Variants in GPC6 observed in about 807,000 individuals in gnomAD.
GPC6 encodes the protein glypican 6, also known as glypican-6.
A neutral mutation model predicts 55.2 loss-of-function variants in GPC6; 14 were observed. The observed-to-expected ratio is 0.25, with a 90% confidence interval of 0.17 to 0.40. The LOEUF (loss-of-function observed/expected upper bound fraction) is 0.40, where lower values mean the gene tolerates loss of function less well. Among genes scored for constraint, GPC6 ranks in the 10% least tolerant of loss-of-function variants. The pLI is 1.00. For synonymous variants in GPC6, 278 were observed against 259.6 expected (o/e 1.07, Z -0.68); for missense variants, 641 against 708.5 (o/e 0.90, Z 1.08).
At chr13:93,273,704 G>A (rs1019258887) in intron 1 of GPC6, among the ~76,000 whole-genome samples, 8 of 152,124 alleles carry the variant, frequency 5.3e-5, no homozygotes, top group Non-Finnish European at 1.5e-5. Flanking sequence ...AAGCTTTACT[G>A]TTTATCATAG....
intron 2 of GPC6, among the ~76,000 whole-genome samples, chr13:93,731,498 T>C (rs1402062756): frequency 6.6e-6 from 1 of 152,164 alleles, no homozygotes; most frequent in Non-Finnish European, 1.5e-5. Flanking sequence ...AAACCCACCA[T>C]TGTGTTAGCT....
intron 2 of GPC6, among the ~76,000 whole-genome samples, chr13:93,781,986 A>T (rs567797048): frequency 6.6e-6 from 1 of 152,268 alleles, no homozygotes; most frequent in Admixed American, 6.5e-5. Context: ...ATTTTCAAGT[A>T]TACAGTATAT....
intron 2 of GPC6, among the ~76,000 whole-genome samples, chr13:93,698,938 A>G (rs1411733472): frequency 6.6e-6 from 1 of 152,036 alleles, no homozygotes; most frequent in East Asian, 1.9e-4. Flanking sequence ...GGCTTCTGTT[A>G]TATTATGCAT....
At chr13:93,411,025 A>T (rs1429580140) in intron 1 of GPC6, among the ~76,000 whole-genome samples, 1 of 152,200 alleles carries the variant, frequency 6.6e-6, no homozygotes, top group Non-Finnish European at 1.5e-5. Flanking sequence ...TGTTTCCCAC[A>T]TTACATAAAC....
intron 3 of GPC6, among the ~76,000 whole-genome samples, chr13:93,962,056 T>C (rs1879802395): frequency 6.6e-6 from 1 of 152,164 alleles, no homozygotes; most frequent in African/African-American, 2.4e-5. Flanking sequence ...TATTATCATC[T>C]CCATTTAACA....
chr13:94,191,623 T>C (rs533451324), intron 4 of GPC6, among the ~76,000 whole-genome samples: 1 of 146,530 alleles, frequency 6.8e-6, no homozygotes, highest in African/African-American at 2.6e-5. Flanking sequence ...AAAAAAAAAA[T>C]AATAGTAGAG....
chr13:93,272,208 A>G (rs1299596320), intron 1 of GPC6, among the ~76,000 whole-genome samples: 1 of 152,044 alleles, frequency 6.6e-6, no homozygotes, highest in East Asian at 1.9e-4. Context: ...ACTAGTTTGA[A>G]TAAGATAATT....
intron 3 of GPC6, among the ~76,000 whole-genome samples, chr13:93,936,776 G>A (rs1323707387): frequency 1.3e-5 from 2 of 152,120 alleles, no homozygotes; most frequent in African/African-American, 4.8e-5. Flanking sequence ...TGCAAACCAC[G>A]GGTGGATTTT....
At chr13:93,699,948 C>T (rs1188976072) in intron 2 of GPC6, among the ~76,000 whole-genome samples, 9 of 151,938 alleles carry the variant, frequency 5.9e-5, no homozygotes, top group Admixed American at 5.9e-4. Context: ...GTAAACTCAT[C>T]AAATGTGCTC....
At chr13:94,124,945 G>GATAAACTGAAAAACAAGCAAGCAAACAA (rs1886754743) in intron 4 of GPC6, among the ~76,000 whole-genome samples, 1 of 152,088 alleles carries the variant, frequency 6.6e-6, no homozygotes, top group African/African-American at 2.4e-5. Context: ...CAATTTGTGT[G>GATAAACTGAAAAACAAGCAAGCAAACAA]ATAAACTGAA....
intron 2 of GPC6, among the ~76,000 whole-genome samples, chr13:93,755,160 T>C (rs147383301): frequency 1.3e-5 from 2 of 152,288 alleles, no homozygotes; most frequent in East Asian, 1.9e-4. Context: ...ATTTTTGCCA[T>C]TTGAAGAGAT....
intron 2 of GPC6, among the ~76,000 whole-genome samples, chr13:93,655,050 C>T (rs1379555594): frequency 3.3e-5 from 1 of 30,304 alleles, no homozygotes; most frequent in Non-Finnish European, 1.2e-4. Context: ...TGGGGTTTTA[C>T]TGTGTTAGCC....
intron 2 of GPC6, among the ~76,000 whole-genome samples, chr13:93,725,386 A>G (rs1883598164): frequency 6.6e-6 from 1 of 152,092 alleles, no homozygotes; most frequent in South Asian, 2.1e-4. Flanking sequence ...TAAGCCAGCC[A>G]CTTATGATGA....
chr13:94,330,702 T>C (rs1349787267), intron 6 of GPC6, among the ~76,000 whole-genome samples: 1 of 152,196 alleles, frequency 6.6e-6, no homozygotes, highest in Non-Finnish European at 1.5e-5. Flanking sequence ...TCCTTGTCTG[T>C]TAAAGGTGGA....
At chr13:94,327,929 G>T (rs1227527359) in intron 6 of GPC6, among the ~76,000 whole-genome samples, 2 of 152,132 alleles carry the variant, frequency 1.3e-5, no homozygotes, top group Non-Finnish European at 2.9e-5. Flanking sequence ...CCTGGAGATG[G>T]TAAACCTGCC....
intron 4 of GPC6, among the ~76,000 whole-genome samples, chr13:94,085,710 A>C (rs1885257840): frequency 6.6e-6 from 1 of 152,214 alleles, no homozygotes; most frequent in Non-Finnish European, 1.5e-5. Context: ...CAGCAGCCTC[A>C]AGAAAATAGG....
intron 1 of GPC6, among the ~76,000 whole-genome samples, chr13:93,384,470 A>G (rs975456388): frequency 1.3e-5 from 2 of 152,044 alleles, no homozygotes; most frequent in Non-Finnish European, 2.9e-5. Flanking sequence ...GAATATGATG[A>G]TAATTATAAA....
At chr13:94,017,923 G>T (rs541890276) in intron 3 of GPC6, among the ~76,000 whole-genome samples, 4 of 151,874 alleles carry the variant, frequency 2.6e-5, no homozygotes. Flanking sequence ...TGATCCACCC[G>T]CCTCAGCCTC....
chr13:93,955,135 TC>T (rs1879443391), intron 3 of GPC6, among the ~76,000 whole-genome samples: 1 of 151,888 alleles, frequency 6.6e-6, no homozygotes, highest in South Asian at 2.1e-4. Flanking sequence ...TCCCTGCCCT[TC>T]CTTTTATCGT....
Sources: gnomAD v4.1 joint callset for allele counts (sites outside exome capture counted in the v4.1 genomes callset) on GRCh38, gnomAD v4.1.1 for gene constraint, MANE v1.5 for transcripts, NCBI Gene and HGNC (gene_info 2026-07-23, HGNC 2026-07-21) for gene names.